The following ABCA6 variants were observed in gnomAD, a reference collection of about 807,000 sequenced individuals.
ABCA6 encodes the protein ATP binding cassette subfamily A member 6.
ABCA6 carries 164 observed loss-of-function variants against 191.2 expected under a neutral mutation model. The ratio of observed to expected loss-of-function variants is 0.86; its 90% CI spans 0.76 to 0.98. The LOEUF is 0.98. Ranked by LOEUF, ABCA6 falls within the 50% of genes least tolerant of loss-of-function variation. The pLI is 0.00. For missense variants in ABCA6, 1,958 were observed against 1,894.1 expected, an observed-to-expected ratio of 1.03 and a Z score of -0.63; for synonymous variants, 636 against 647.7, an observed-to-expected ratio of 0.98 and a Z score of 0.27.
chr17:69,128,300 T>A (rs965228843), intron 8 of ABCA6, among the ~76,000 whole-genome samples: 2 of 152,052 alleles, frequency 1.3e-5, no homozygotes, highest in Non-Finnish European at 2.9e-5. Context: ...ATAACAATTT[T>A]AATAAACTAG....
At chr17:69,106,508 G>A (rs1446192932) in intron 18 of ABCA6, among the ~76,000 whole-genome samples, 4 of 147,186 alleles carry the variant, frequency 2.7e-5, no homozygotes, top group Admixed American at 1.4e-4. Flanking sequence ...TAGGAGAATC[G>A]CTTGAACCTG....
At chr17:69,104,514 A>T (rs1447557463) in intron 20 of ABCA6, 1 of 152,106 alleles carries the variant, frequency 6.6e-6, no homozygotes, top group Non-Finnish European at 1.5e-5. Context: ...TCGCAAATCC[A>T]TGGGAAAATC....
chr17:69,080,131 C>A, intron 37 of ABCA6, among the ~76,000 whole-genome samples: 1 of 152,018 alleles, frequency 6.6e-6, no homozygotes, highest in East Asian at 1.9e-4. Context: ...ACTAGAAAGT[C>A]ATCTATCTAG....
Position 69,102,852 on chromosome 17 carries a change from CTA to C in ABCA6, c.2855_2856del (p.Ile952SerfsTer4), listed in dbSNP as rs766443678. 4.4e-6 allele frequency: 7 copies of C among 1,582,738 alleles called. No homozygotes were observed. Among genetic ancestry groups the C allele is most frequent in the Middle Eastern group, 1.7e-4 (1 of 6,002 alleles). ...AAACATACCTTTTGTTTACCAGAAA[CTA>C]TGATAGCTCCATTGTATGAGAGGCC... is the stretch of plus-strand genomic sequence containing the variant. ...TDGLSYNGAI[I>X]VSGKQKDYRF... On this transcript the variant is annotated frameshift_variant, in exon 21 of 39. Transcript: ENST00000284425. LOFTEE classifies it high-confidence loss of function.
chr17:69,139,630 A>C lies in ABCA6; in HGVS notation c.96+978T>G, dbSNP rs185127913. Among the ~76,000 whole-genome samples, 17 of 152,306 alleles carry C rather than the reference A, an allele frequency of 1.1e-4. No homozygotes were observed. In the East Asian group the frequency reaches 3.3e-3, roughly 29 times the overall value. On this transcript the variant is annotated intron_variant, in intron 2 of 38. Coordinates refer to ENST00000284425, the MANE Select transcript of ABCA6 (RefSeq NM_080284.3). ...CCAAAGGACTACAAATCATGCTGCT[A>C]TAAAGACACATGCACATGTATGTTT...
At chr17:69,079,310 T>A in intron 37 of ABCA6, 45 bp from the exon 38 acceptor site, 1 of 1,470,708 alleles carries the variant, frequency 6.8e-7, no homozygotes, top group Non-Finnish European at 9.2e-7. Flanking sequence ...TGCTTACAAT[T>A]TATTACCAAG....
chr17:69,107,954 A>G (rs2073340955), intron 17 of ABCA6, 142 bp from the exon 18 acceptor site: 4 of 574,964 alleles, frequency 7.0e-6, no homozygotes. Context: ...CAAAAGCAAA[A>G]TTTCATGAGA....
intron 11 of ABCA6, among the ~76,000 whole-genome samples, chr17:69,116,679 G>T (rs1283348895): frequency 6.6e-6 from 1 of 152,048 alleles, no homozygotes; most frequent in African/African-American, 2.4e-5. Flanking sequence ...ATGGTACTTA[G>T]CTTCTGAAAA....
At chr17:69,101,026 G>A in intron 21 of ABCA6, 92 bp from the exon 22 acceptor site, 1 of 1,078,440 alleles carries the variant, frequency 9.3e-7, no homozygotes, top group East Asian at 2.5e-5. Context: ...AGTGCCACAT[G>A]CTTGTTGTGT....
intron 25 of ABCA6, among the ~76,000 whole-genome samples, chr17:69,095,953 T>C (rs988849974): frequency 2.0e-5 from 3 of 152,246 alleles, no homozygotes; most frequent in Admixed American, 1.3e-4. Context: ...GCCAATTTTC[T>C]AGTGTTGGCA....
chr17:69,115,616 A>T (rs1192215497), intron 11 of ABCA6, 130 bp from the exon 12 acceptor site: 1 of 539,558 alleles, frequency 1.9e-6, no homozygotes, highest in Non-Finnish European at 3.2e-6. Flanking sequence ...AATACTTTAA[A>T]ATACACAATG....
At position 69,084,424 on chromosome 17, in the gene ABCA6, G is replaced by A. The variant is rs115212891; in HGVS notation, c.4260+8C>T. ...AGCTCTCCATAGAGCATCACACACC[G>A]CACGTACCTTTCTCGTGATTCCTGC... On this transcript the variant is annotated splice_region_variant and intron_variant, in intron 33 of 38. Coordinates refer to ENST00000284425, the MANE Select transcript of ABCA6 (RefSeq NM_080284.3). 3.0e-3 allele frequency: 4,871 copies of A among 1,614,040 alleles called. 144 individuals are homozygous for A. The African/African-American group carries it at 0.056, about 19-fold the overall frequency.
Position 69,137,493 on chromosome 17 carries a change from C to A in ABCA6, c.104G>T (p.Gly35Val), listed in dbSNP as rs1325870790. The A allele has an allele frequency of 3.1e-6, 5 of 1,611,540 alleles. No homozygotes were observed. In the African/African-American group the frequency reaches 6.7e-5, roughly 22 times the overall value. Residue 35 changes from glycine (G) to valine (V), a missense_variant, in exon 3 of 39, where the codon GGC becomes GTC. Physicochemically the swap from Gly to Val is moderately radical, Grantham distance 109. Coordinates refer to ENST00000284425, the MANE Select transcript of ABCA6 (RefSeq NM_080284.3). ...ACACAGTCCTAGAAGTATTGAGAGG[C>A]CCCATTCCTGTAATGCATATAAAAA... The part of the protein sequence containing the change: ...RMKRESLLEW[G>V]LSILLGLCIA...
intron 26 of ABCA6, 85 bp downstream of exon 26, chr17:69,091,058 T>C: frequency 7.1e-7 from 1 of 1,403,810 alleles, no homozygotes; most frequent in Non-Finnish European, 9.6e-7. Context: ...CCAGTTCCAC[T>C]ACTTTCTGTC....
At chr17:69,125,085 C>A in intron 8 of ABCA6, 50 bp from the exon 9 acceptor site, 1 of 1,008,970 alleles carries the variant, frequency 9.9e-7, no homozygotes, top group South Asian at 3.6e-5. Context: ...AAATAAATAG[C>A]TTGGCATAGC....
intron 25 of ABCA6, among the ~76,000 whole-genome samples, chr17:69,092,387 T>C (rs1409054578): frequency 6.6e-6 from 1 of 152,178 alleles, no homozygotes; most frequent in African/African-American, 2.4e-5. Flanking sequence ...TGGGGTTCAC[T>C]CTTAAGTCCT....
chr17:69,110,661 A>T lies in ABCA6; in HGVS notation c.2272+140T>A, dbSNP rs971692849. ...ACTACCCAATAAATCAGTGGCACTC[A>T]ATCCTTCCTCTTGAGTTCTGCTTCT... On this transcript the variant is annotated intron_variant, in intron 17 of 38. Coordinates refer to ENST00000284425, the MANE Select transcript of ABCA6 (RefSeq NM_080284.3). 8.3e-6 allele frequency: 8 copies of T among 962,990 alleles called. No individual in the cohort carries two copies. In the Admixed American group the frequency reaches 1.2e-4, roughly 14 times the overall value. The allele number at this position is 962,990 out of a possible 1,614,324, so 59.7% of individuals were successfully genotyped here.
chr17:69,140,746 A>G lies in ABCA6; in HGVS notation c.-43T>C. On this transcript the variant is annotated splice_region_variant and 5_prime_UTR_variant, in exon 2 of 39. Coordinates refer to ENST00000284425, the MANE Select transcript of ABCA6 (RefSeq NM_080284.3). ...GGAGAAAGTAATCATGGTGGAACACAACCTAGAAAAAAATAAGTGTAATAA... is the reference window on the plus strand; with the variant it reads ...GGAGAAAGTAATCATGGTGGAACACGACCTAGAAAAAAATAAGTGTAATAA... 1 of 1,338,774 alleles carries G rather than the reference A, an allele frequency of 7.5e-7. No individual in the cohort carries two copies. The highest frequency in any genetic ancestry group is 1.0e-6 in the Non-Finnish European group (1 of 990,968). The allele number at this position is 1,338,774 out of a possible 1,614,324, so 82.9% of individuals were successfully genotyped here.
intron 10 of ABCA6, among the ~76,000 whole-genome samples, chr17:69,120,429 T>C (rs2073619354): frequency 6.6e-6 from 1 of 152,084 alleles, no homozygotes; most frequent in African/African-American, 2.4e-5. Context: ...CAGTAGTTAA[T>C]ATCTCTATCC....
Sources: allele counts gnomAD v4.1 joint callset (sites outside exome capture counted in the v4.1 genomes callset), GRCh38; gene constraint gnomAD v4.1.1; transcripts MANE v1.5; gene names NCBI Gene and HGNC (gene_info 2026-07-23, HGNC 2026-07-21).